PTBP3: variants seen among roughly 807,000 people sequenced by gnomAD.
PTBP3 encodes polypyrimidine tract binding protein 3.
In PTBP3, 20 loss-of-function variants were observed where a neutral mutation model predicts 58.7. The ratio of observed to expected loss-of-function variants is 0.34; its 90% CI spans 0.24 to 0.50. The LOEUF (loss-of-function observed/expected upper bound fraction) is 0.50, where lower values mean the gene tolerates loss of function less well. Among genes scored for constraint, PTBP3 ranks in the 20% least tolerant of loss-of-function variants. The probability of loss-of-function intolerance (pLI) is 0.98; values close to 1 mark genes in which losing one functional copy is unlikely to be tolerated. For missense variants in PTBP3, 509 were observed against 637.2 expected (o/e 0.80, Z 2.17); for synonymous variants, 185 against 219.8 (o/e 0.84, Z 1.40).
At chr9:112,322,156 A>AC (rs57576297) in intron 1 of PTBP3, among the ~76,000 whole-genome samples, 1 of 150,606 alleles carries the variant, frequency 6.6e-6, no homozygotes, top group Non-Finnish European at 1.5e-5. Context: ...AAAAAAAAAA[A>AC]GAAAGGCCCT....
chr9:112,309,442 T>G (rs937008225), intron 1 of PTBP3, among the ~76,000 whole-genome samples: 1 of 152,198 alleles, frequency 6.6e-6, no homozygotes, highest in African/African-American at 2.4e-5. Flanking sequence ...CTACAGAACC[T>G]ACTACAATGT....
intron 2 of PTBP3, among the ~76,000 whole-genome samples, chr9:112,290,738 A>ACACT (rs1564438731): frequency 1.2e-4 from 18 of 148,494 alleles, no homozygotes; most frequent in African/African-American, 4.5e-4. Context: ...ACACACACAC[A>ACACT]ATCAAGTGTT....
At chr9:112,361,787 G>GC in the PTBP3 span, among the ~76,000 whole-genome samples, 1 of 152,196 alleles carries the variant, frequency 6.6e-6, no homozygotes, top group Non-Finnish European at 1.5e-5. Flanking sequence ...TCGGGAACTA[G>GC]CAAGTGTGTT....
At chr9:112,224,627 G>A (rs1834914007) in intron 12 of PTBP3, among the ~76,000 whole-genome samples, 1 of 152,164 alleles carries the variant, frequency 6.6e-6, no homozygotes, top group African/African-American at 2.4e-5. Flanking sequence ...AATTCTGAAT[G>A]TGTGTATGTG....
intron 1 of PTBP3, among the ~76,000 whole-genome samples, chr9:112,307,367 T>C (rs1031040077): frequency 6.6e-6 from 1 of 152,026 alleles, no homozygotes; most frequent in African/African-American, 2.4e-5. Flanking sequence ...GGTGGGAGGA[T>C]TGATTGAGCC....
chr9:112,230,172 A>T (rs1002761473), intron 10 of PTBP3, among the ~76,000 whole-genome samples: 1 of 152,198 alleles, frequency 6.6e-6, no homozygotes, highest in East Asian at 1.9e-4. Flanking sequence ...ATTAAAAAAA[A>T]CCTATCAGCC....
At chr9:112,361,744 A>T in the PTBP3 span, among the ~76,000 whole-genome samples, 36,963 of 152,032 alleles carry the variant, frequency 0.24, 4,916 homozygotes, top group East Asian at 0.36. Flanking sequence ...TATACATACC[A>T]AAAAGTGGAA....
the PTBP3 span, among the ~76,000 whole-genome samples, chr9:112,355,627 T>C: frequency 7.1e-4 from 107 of 149,666 alleles, no homozygotes; most frequent in Middle Eastern, 3.4e-3. Flanking sequence ...TTTTCTTTTT[T>C]TTTTTTTTTT....
Position 112,223,086 on chromosome 9 carries a change from C to T in PTBP3, c.*765G>A. On this transcript the variant is annotated 3_prime_UTR_variant, in exon 14 of 14. Transcript: ENST00000374257. ...ATAAGTGTCATTTTGAAATTTAAAA[C>T]ATGATTTTTTCCTAATAAAATTATT... The T allele has an allele frequency of 2.3e-6, 2 of 864,940 alleles. No homozygotes were observed. The highest frequency in any genetic ancestry group is 2.8e-6 in the Non-Finnish European group (2 of 720,100). 53.6% of individuals were successfully genotyped at this position (864,940 alleles called of 1,614,324 possible).
chr9:112,333,989 C>G (rs908695027), upstream of PTBP3, among the ~76,000 whole-genome samples: 1 of 151,618 alleles, frequency 6.6e-6, no homozygotes, highest in East Asian at 1.9e-4. Flanking sequence ...CCGGGCCTGC[C>G]AGGTTTGAAT....
intron 7 of PTBP3, among the ~76,000 whole-genome samples, chr9:112,247,370 A>G (rs1835927303): frequency 6.6e-6 from 1 of 152,046 alleles, no homozygotes; most frequent in African/African-American, 2.4e-5. Flanking sequence ...GACTCGAAAG[A>G]GACATGACAA....
At chr9:112,229,258 A>G (rs1835110283) in intron 10 of PTBP3, among the ~76,000 whole-genome samples, 1 of 152,170 alleles carries the variant, frequency 6.6e-6, no homozygotes, top group Non-Finnish European at 1.5e-5. Context: ...GAGTATCATC[A>G]ATATTATAAA....
At chr9:112,325,321 C>T (rs906052010) in intron 1 of PTBP3, among the ~76,000 whole-genome samples, 10 of 152,028 alleles carry the variant, frequency 6.6e-5, no homozygotes, top group East Asian at 1.9e-4. Context: ...ACTAAGGGCC[C>T]GTCTGCACAC....
chr9:112,350,855 G>A, the PTBP3 span, among the ~76,000 whole-genome samples: 1 of 152,096 alleles, frequency 6.6e-6, no homozygotes, highest in East Asian at 1.9e-4. Flanking sequence ...CTGGAGTGCA[G>A]TGGCACAATC....
chr9:112,250,388 A>G (rs1408289198), intron 7 of PTBP3, among the ~76,000 whole-genome samples: 1 of 152,178 alleles, frequency 6.6e-6, no homozygotes, highest in East Asian at 1.9e-4. Context: ...CAAAGCTACA[A>G]TTTGCAGAGA....
At chr9:112,349,913 C>T in the PTBP3 span, among the ~76,000 whole-genome samples, 25 of 143,098 alleles carry the variant, frequency 1.7e-4, no homozygotes, top group Middle Eastern at 0.016. Flanking sequence ...TTACAGGACA[C>T]CCAGTTGGAA....
At chr9:112,245,741 C>G (rs76090592) in intron 7 of PTBP3, among the ~76,000 whole-genome samples, 245 of 152,162 alleles carry the variant, frequency 1.6e-3, no homozygotes, top group African/African-American at 5.5e-3. Context: ...AGGGAGTGCT[C>G]CAATTATGAG....
the PTBP3 span, among the ~76,000 whole-genome samples, chr9:112,340,731 T>G: frequency 6.6e-6 from 1 of 151,736 alleles, no homozygotes; most frequent in Non-Finnish European, 1.5e-5. Context: ...AGCACAAAAT[T>G]AGCCGGGCGT....
intron 1 of PTBP3, among the ~76,000 whole-genome samples, chr9:112,317,764 T>C (rs1186090997): frequency 6.6e-6 from 1 of 152,074 alleles, no homozygotes. Context: ...CTGACCAACA[T>C]GGTGAAACCT....
Sources: allele counts gnomAD v4.1 joint callset (sites outside exome capture counted in the v4.1 genomes callset), GRCh38; gene constraint gnomAD v4.1.1; transcripts MANE v1.5; gene names NCBI Gene and HGNC (gene_info 2026-07-23, HGNC 2026-07-21).